GSN: variants seen among roughly 807,000 people sequenced by gnomAD.
GSN encodes the protein gelsolin.
GSN carries 56 observed loss-of-function variants against 85.7 expected under a neutral mutation model. That is an observed-to-expected ratio of 0.65 (90% CI 0.53 to 0.82). The LOEUF (loss-of-function observed/expected upper bound fraction) is 0.82, where lower values mean the gene tolerates loss of function less well. GSN is among the 40% of genes least tolerant of loss of function. The probability of loss-of-function intolerance (pLI) is 0.00; values close to 1 mark genes in which losing one functional copy is unlikely to be tolerated. For missense variants in GSN, 857 were observed against 979.8 expected (o/e 0.87, Z 1.67); for synonymous variants, 373 against 399.1 (o/e 0.93, Z 0.78).
intron 2 of GSN, among the ~76,000 whole-genome samples, chr9:121,295,805 G>A (rs1246102213): frequency 1.3e-5 from 2 of 152,222 alleles, no homozygotes; most frequent in African/African-American, 4.8e-5. Flanking sequence ...AGGAATAGCC[G>A]AGATCAGAGG....
chr9:121,237,108 A>G (rs532180581), intron 5 of GSN, among the ~76,000 whole-genome samples: 9 of 152,372 alleles, frequency 5.9e-5, no homozygotes, highest in Admixed American at 2.0e-4. Context: ...CACTGCTATC[A>G]GATAAATATC....
At chr9:121,231,283 A>G (rs1204334469) in exon 5 of GSN, 1 of 152,188 alleles carries the variant, frequency 6.6e-6, no homozygotes. Flanking sequence ...TCCATGGAAA[A>G]TGTCATTGGG....
chr9:121,328,715 C>T lies in GSN; in HGVS notation c.1763-176C>T, dbSNP rs117418570. On this transcript the variant is annotated intron_variant, in intron 14 of 17. Transcript: ENST00000432226. ...GTCTGCCCTCTCTGGGCCTCTATTT[C>T]GTCACCTTCCAATTCCCTCAGGCCT... 2.9e-3 allele frequency: 1,997 copies of T among 690,848 alleles called. 32 individuals carry two copies. In the East Asian group the frequency reaches 0.038, roughly 13 times the overall value. The allele number at this position is 690,848 out of a possible 1,614,324, so 42.8% of individuals were successfully genotyped here.
chr9:121,303,470 A>T (rs1233025985), intron 4 of GSN, among the ~76,000 whole-genome samples: 1 of 152,198 alleles, frequency 6.6e-6, no homozygotes, highest in Admixed American at 6.5e-5. Flanking sequence ...TTAAGTATTT[A>T]ATAGGGCATT....
chr9:121,281,809 G>A (rs1267063819), intron 2 of GSN: 1 of 471,068 alleles, frequency 2.1e-6, no homozygotes, highest in Non-Finnish European at 4.4e-6. Context: ...CCGGATGCCT[G>A]GCTCCCACCC....
At chr9:121,321,109 CTG>C (rs1381662899) in intron 10 of GSN, among the ~76,000 whole-genome samples, 157 bp from the exon 11 acceptor site, 1 of 152,220 alleles carries the variant, frequency 6.6e-6, no homozygotes, top group East Asian at 1.9e-4. Context: ...TCTAGTGGCT[CTG>C]TGAGTTGGGC....
chr9:121,206,431 A>G (rs2053882513), upstream of GSN, among the ~76,000 whole-genome samples: 1 of 152,256 alleles, frequency 6.6e-6, no homozygotes, highest in African/African-American at 2.4e-5. Flanking sequence ...CACTAAAAAA[A>G]GGTGATGCAT....
Position 121,318,952 on chromosome 9 carries a change from C to A in GSN, c.1191+72C>A. On this transcript the variant is annotated intron_variant, in intron 10 of 17. Coordinates refer to ENST00000432226, the MANE Select transcript of GSN (RefSeq NM_198252.3). The surrounding 1 kb of genome is among the most constrained non-coding windows in gnomAD (Gnocchi z 4.3). Reference sequence around the variant, plus strand: ...TTCCCCATGCACTGCCTCTTGCTTCCCCAAGGAGGTTTCTCTCTGAGGTTT... The same window carrying A: ...TTCCCCATGCACTGCCTCTTGCTTCACCAAGGAGGTTTCTCTCTGAGGTTT... 2 of 1,233,134 alleles carry A rather than the reference C, an allele frequency of 1.6e-6. No individual in the cohort carries two copies. The highest frequency in any genetic ancestry group is 1.2e-5 in the South Asian group (1 of 81,728). 76.4% of individuals were successfully genotyped at this position (1,233,134 alleles called of 1,614,324 possible). A position where few individuals can be genotyped will look rare whatever the true frequency, so the allele number is the denominator to read the frequency against.
chr9:121,273,215 A>G (rs963656381), intron 1 of GSN, among the ~76,000 whole-genome samples: 2 of 152,160 alleles, frequency 1.3e-5, no homozygotes, highest in Non-Finnish European at 2.9e-5. Context: ...TGAGCTGGCT[A>G]AGCAAACAGT....
chr9:121,266,435 C>A (rs542485820), upstream of GSN, among the ~76,000 whole-genome samples: 17 of 152,356 alleles, frequency 1.1e-4, no homozygotes, highest in African/African-American at 3.4e-4. Flanking sequence ...TTCTCCCCAG[C>A]AGCCTTGCAT....
At chr9:121,241,206 C>T (rs1554777042) in intron 5 of GSN, among the ~76,000 whole-genome samples, 1 of 152,138 alleles carries the variant, frequency 6.6e-6, no homozygotes, top group Non-Finnish European at 1.5e-5. Context: ...TAAGAGAAAA[C>T]ATCAGATTCT....
At chr9:121,324,742 T>C in intron 12 of GSN, 98 bp downstream of exon 12, 1 of 700,774 alleles carries the variant, frequency 1.4e-6, no homozygotes, top group Non-Finnish European at 2.6e-6. Context: ...TTTGTCCATC[T>C]GTCTGTCTGT....
At chr9:121,231,801 C>T (rs992707690) in intron 5 of GSN, among the ~76,000 whole-genome samples, 1 of 152,002 alleles carries the variant, frequency 6.6e-6, no homozygotes. Flanking sequence ...AAAAGCAGGC[C>T]AGGTGCAGTA....
rs1286924005 is a variant in GSN, at chr9:121,261,508, C to T, written c.-340-3646C>T. On this transcript the variant is annotated intron_variant, in intron 6 of 24. Transcript: ENST00000373823. This position sits in a 1 kb window ranked among gnomAD's most constrained non-coding sequence, Gnocchi z 4.1. ...TGTGAAATGTAAATAAGAGATTTCA[C>T]CTTGCTGTGCCTCAGTTTCTCGATC... Among the ~76,000 whole-genome samples the T allele has an allele frequency of 1.3e-5, 2 of 152,254 alleles. No individual in the cohort carries two copies. Among genetic ancestry groups the T allele is most frequent in the Non-Finnish European group, 2.9e-5 (2 of 68,052 alleles).
chr9:121,322,076 A>G (rs1268803954), intron 11 of GSN, among the ~76,000 whole-genome samples: 1 of 152,182 alleles, frequency 6.6e-6, no homozygotes, highest in African/African-American at 2.4e-5. Context: ...ATACATTTAC[A>G]TGGTTCAAAA....
intron 6 of GSN, among the ~76,000 whole-genome samples, chr9:121,260,949 TTTTG>T (rs1350582902): frequency 2.0e-5 from 3 of 152,216 alleles, no homozygotes; most frequent in African/African-American, 7.2e-5. Flanking sequence ...TCATCAGTTT[TTTTG>T]TTTGTTTGTC....
chr9:121,317,569 C>T (rs543622265), intron 8 of GSN: 10 of 335,104 alleles, frequency 3.0e-5, no homozygotes, highest in African/African-American at 4.2e-5. Flanking sequence ...TTAAAATGTT[C>T]GAGTTTGTTT....
chr9:121,319,012 C>A, intron 10 of GSN, 132 bp downstream of exon 10: 1 of 784,340 alleles, frequency 1.3e-6, no homozygotes, highest in Non-Finnish European at 2.1e-6. Context: ...TTTGGTGTTA[C>A]TTAGTTTTTA....
chr9:121,304,974 C>G (rs2060252631), intron 4 of GSN, among the ~76,000 whole-genome samples: 1 of 152,272 alleles, frequency 6.6e-6, no homozygotes, highest in East Asian at 1.9e-4. Context: ...GTGCTCAGCT[C>G]TGAGAGGGGT....
Sources: gnomAD v4.1 joint callset for allele counts (sites outside exome capture counted in the v4.1 genomes callset) on GRCh38, gnomAD v4.1.1 for gene constraint, Gnocchi (gnomAD v3.1) non-coding constraint, MANE v1.5 for transcripts, NCBI Gene and HGNC (gene_info 2026-07-23, HGNC 2026-07-21) for gene names.